The following RAD51B variants were observed in gnomAD, a reference collection of about 807,000 sequenced individuals.
RAD51B encodes RAD51 paralog B, also known as DNA repair protein RAD51 homolog 2.
In RAD51B, 38 loss-of-function variants were observed where a neutral mutation model predicts 42.2. The observed-to-expected ratio is 0.90, with a 90% CI of 0.70 to 1.18. The LOEUF (loss-of-function observed/expected upper bound fraction) is 1.18, where lower values mean the gene tolerates loss of function less well. RAD51B is among the 50% of genes most tolerant of loss of function. The probability of loss-of-function intolerance (pLI) is 0.00; values close to 1 mark genes in which losing one functional copy is unlikely to be tolerated. For missense variants in RAD51B, 373 were observed against 400.7 expected (o/e 0.93, Z 0.59); for synonymous variants, 154 against 145.2 (o/e 1.06, Z -0.43).
intron 7 of RAD51B, among the ~76,000 whole-genome samples, chr14:68,126,037 A>G (rs2077753120): frequency 6.6e-6 from 1 of 152,218 alleles, no homozygotes; most frequent in African/African-American, 2.4e-5. Flanking sequence ...GGGCACTCTC[A>G]TTAATCCTGG....
At chr14:68,290,989 G>A (rs1025767693) in intron 7 of RAD51B, among the ~76,000 whole-genome samples, 3 of 151,686 alleles carry the variant, frequency 2.0e-5, no homozygotes, top group Non-Finnish European at 4.4e-5. Flanking sequence ...GGTATTTTTA[G>A]TAGAGACAGG....
chr14:68,502,386 C>A (rs1043832179), intron 10 of RAD51B, among the ~76,000 whole-genome samples: 7 of 152,190 alleles, frequency 4.6e-5, no homozygotes, highest in African/African-American at 1.7e-4. Flanking sequence ...AGCTGCAGTT[C>A]CGACTCCCCC....
At chr14:67,944,262 C>G (rs778390884) in intron 7 of RAD51B, among the ~76,000 whole-genome samples, 13 of 148,336 alleles carry the variant, frequency 8.8e-5, no homozygotes, top group Non-Finnish European at 1.8e-4. Context: ...CTAAATCTCC[C>G]TGTTGCTATG....
chr14:67,838,191 T>C (rs1356622637), intron 4 of RAD51B, among the ~76,000 whole-genome samples: 4 of 152,208 alleles, frequency 2.6e-5, no homozygotes. Context: ...ATTTGTCTGC[T>C]GATGGACACT....
At chr14:68,237,334 C>T (rs187749799) in intron 7 of RAD51B, among the ~76,000 whole-genome samples, 166 of 152,272 alleles carry the variant, frequency 1.1e-3, no homozygotes, top group African/African-American at 3.8e-3. Flanking sequence ...CTAGATAGCC[C>T]AGAGCCAGTT....
intron 7 of RAD51B, among the ~76,000 whole-genome samples, chr14:68,202,702 C>T (rs1566725941): frequency 6.6e-6 from 1 of 151,392 alleles, no homozygotes. Context: ...CCTGCCTCAG[C>T]CTCCTCAGTA....
chr14:67,995,913 G>A (rs374148888), intron 7 of RAD51B, among the ~76,000 whole-genome samples: 1 of 151,832 alleles, frequency 6.6e-6, no homozygotes, highest in East Asian at 1.9e-4. Context: ...CACCGCGCCC[G>A]GCCTATATTC....
intron 9 of RAD51B, among the ~76,000 whole-genome samples, chr14:68,453,927 T>C (rs1216063199): frequency 6.6e-6 from 1 of 152,136 alleles, no homozygotes; most frequent in Admixed American, 6.5e-5. Flanking sequence ...ATAGAGATAA[T>C]GTGAGACTCA....
intron 7 of RAD51B, among the ~76,000 whole-genome samples, chr14:68,066,869 C>T (rs532190262): frequency 1.2e-4 from 18 of 152,224 alleles, no homozygotes; most frequent in African/African-American, 2.4e-4. Flanking sequence ...GGCTGATACT[C>T]GAGCATTTTG....
intron 7 of RAD51B, among the ~76,000 whole-genome samples, chr14:68,067,786 G>A (rs751387762): frequency 1.3e-4 from 19 of 151,850 alleles, no homozygotes; most frequent in Non-Finnish European, 2.4e-4. Flanking sequence ...AAAAAAATTA[G>A]CCAGGCTTGG....
At chr14:68,337,611 T>G (rs940761040) in intron 8 of RAD51B, among the ~76,000 whole-genome samples, 1 of 152,238 alleles carries the variant, frequency 6.6e-6, no homozygotes, top group African/African-American at 2.4e-5. Flanking sequence ...GTGGAGGTTT[T>G]TAAAATTTTC....
chr14:68,130,861 T>G (rs891759652), intron 7 of RAD51B, among the ~76,000 whole-genome samples: 1 of 152,152 alleles, frequency 6.6e-6, no homozygotes, highest in Non-Finnish European at 1.5e-5. Context: ...GCCTGATCTA[T>G]ATGGCTGACT....
At chr14:68,508,658 G>A (rs536153799) in intron 10 of RAD51B, among the ~76,000 whole-genome samples, 17 of 152,270 alleles carry the variant, frequency 1.1e-4, no homozygotes, top group East Asian at 5.8e-4. Context: ...AATGGTTCCC[G>A]TGGGGAGAAC....
chr14:68,410,848 T>A (rs937513716), intron 8 of RAD51B, among the ~76,000 whole-genome samples: 2 of 152,058 alleles, frequency 1.3e-5, no homozygotes, highest in Non-Finnish European at 2.9e-5. Context: ...TCTTAGAAGG[T>A]AAAGGAATGT....
chr14:68,513,324 A>G (rs562535391), intron 10 of RAD51B, among the ~76,000 whole-genome samples: 13 of 152,356 alleles, frequency 8.5e-5, no homozygotes, highest in African/African-American at 2.9e-4. Flanking sequence ...CGACAGGGTG[A>G]GGCTGGGCCT....
At chr14:68,004,349 A>AG in intron 7 of RAD51B, among the ~76,000 whole-genome samples, 1 of 151,272 alleles carries the variant, frequency 6.6e-6, no homozygotes, top group Non-Finnish European at 1.5e-5. Flanking sequence ...AAAAAAAAAA[A>AG]AAAAAAGAAT....
At chr14:67,972,782 T>C (rs2074922708) in intron 7 of RAD51B, among the ~76,000 whole-genome samples, 1 of 152,154 alleles carries the variant, frequency 6.6e-6, no homozygotes, top group Non-Finnish European at 1.5e-5. Flanking sequence ...ACTATTATCA[T>C]GTCATGAATT....
intron 7 of RAD51B, among the ~76,000 whole-genome samples, chr14:68,235,920 G>A (rs1407913903): frequency 6.6e-6 from 1 of 152,046 alleles, no homozygotes; most frequent in Admixed American, 6.5e-5. Flanking sequence ...CATGGATGGA[G>A]CTGGAAGCCA....
intron 10 of RAD51B, among the ~76,000 whole-genome samples, chr14:68,512,371 C>T (rs780724264): frequency 6.6e-6 from 1 of 152,248 alleles, no homozygotes; most frequent in Non-Finnish European, 1.5e-5. Context: ...GTTTGCTTGT[C>T]AGTCCTTTGC....
Sources: gnomAD v4.1 joint callset for allele counts (sites outside exome capture counted in the v4.1 genomes callset) on GRCh38, gnomAD v4.1.1 for gene constraint, MANE v1.5 for transcripts, NCBI Gene and HGNC (gene_info 2026-07-23, HGNC 2026-07-21) for gene names.